Variants in SIPA1L2 observed in about 807,000 individuals in gnomAD.
The protein encoded by SIPA1L2 is signal induced proliferation associated 1 like 2.
In SIPA1L2, 56 loss-of-function variants were observed where a neutral mutation model predicts 163.9. The ratio of observed to expected loss-of-function variants is 0.34; its 90% confidence interval spans 0.28 to 0.43. SIPA1L2 has a LOEUF of 0.43. SIPA1L2 is among the 20% of genes least tolerant of loss of function. The probability of loss-of-function intolerance (pLI) is 1.00; values close to 1 mark genes in which losing one functional copy is unlikely to be tolerated. For missense variants in SIPA1L2, 1,974 were observed against 2,193.5 expected (o/e 0.90, Z 2.00); for synonymous variants, 877 against 865.7 (o/e 1.01, Z -0.23).
chr1:232,469,968 G>A (rs1206649904), intron 8 of SIPA1L2, among the ~76,000 whole-genome samples: 2 of 151,936 alleles, frequency 1.3e-5, no homozygotes, highest in Non-Finnish European at 2.9e-5. Flanking sequence ...AAGATAGCAA[G>A]TAATTTAAAG....
chr1:232,425,776 C>T lies in SIPA1L2; in HGVS notation c.4443G>A (p.Arg1481=). The T allele has an allele frequency of 6.2e-7, 1 of 1,613,998 alleles. No individual in the cohort carries two copies. Among genetic ancestry groups the T allele is most frequent in the Non-Finnish European group, 8.5e-7 (1 of 1,179,952 alleles). ...FSFYGNLSPR[R]SLYRTLSDES... The stretch of plus-strand genomic sequence containing the variant: ...CGTCAGACAGCGTGCGGTAAAGCGA[C>T]CTCCTTGGAGACAGGTTCCCATAGA... The change falls in exon 18 of 23, where the codon AGG becomes AGA. Residue 1481 remains arginine (R), a synonymous_variant. Transcript: ENST00000674635.
At chr1:232,617,076 T>C (rs1265110721) in intron 1 of SIPA1L2, among the ~76,000 whole-genome samples, 2 of 152,280 alleles carry the variant, frequency 1.3e-5, no homozygotes, top group African/African-American at 4.8e-5. Flanking sequence ...TGGAAATAAT[T>C]TGAATTAATT....
chr1:232,620,337 G>A (rs990093939), intron 1 of SIPA1L2, among the ~76,000 whole-genome samples: 1 of 152,152 alleles, frequency 6.6e-6, no homozygotes, highest in African/African-American at 2.4e-5. Flanking sequence ...TAGGTGTCTC[G>A]ATGTACACTT....
chr1:232,509,078 C>T (rs924694439), intron 3 of SIPA1L2, among the ~76,000 whole-genome samples: 2 of 152,184 alleles, frequency 1.3e-5, no homozygotes, highest in Non-Finnish European at 1.5e-5. Flanking sequence ...GGCAACAGAG[C>T]GAGACTCTGT....
chr1:232,490,189 C>T (rs923612404), intron 5 of SIPA1L2, among the ~76,000 whole-genome samples: 25 of 152,132 alleles, frequency 1.6e-4, no homozygotes, highest in Non-Finnish European at 2.1e-4. Flanking sequence ...CCCACCTCAC[C>T]ACCTCTCTTC....
chr1:232,501,817 C>T (rs576951459), intron 3 of SIPA1L2, among the ~76,000 whole-genome samples: 1 of 152,212 alleles, frequency 6.6e-6, no homozygotes, highest in South Asian at 2.1e-4. Context: ...GGCCTCTACC[C>T]TCTTCCCGTG....
At chr1:232,567,817 G>A (rs789647) in intron 2 of SIPA1L2, among the ~76,000 whole-genome samples, 10,411 of 152,226 alleles carry the variant, frequency 0.068, 987 homozygotes, top group African/African-American at 0.22. Flanking sequence ...AGGCCTAATC[G>A]GAGGGTTGGG....
At chr1:232,457,824 C>A (rs779145761) in intron 10 of SIPA1L2, among the ~76,000 whole-genome samples, 1 of 152,162 alleles carries the variant, frequency 6.6e-6, no homozygotes, top group Admixed American at 6.6e-5. Context: ...CTTACACTTG[C>A]GGTCTAAAGC....
rs139104555 is a variant in SIPA1L2 at position 232,435,238 on chromosome 1, C to T, written c.4032-2767G>A. 7.0e-4 allele frequency among the ~76,000 whole-genome samples: 107 copies of T among 152,274 alleles called. No individual in the cohort carries two copies. In the Middle Eastern group the frequency reaches 0.014, roughly 19 times the overall value. ...TTTGAAAATGTATAGGTAATGATAG[C>T]GTGATCACAAACTCTATGTATTTTT... On this transcript the variant is annotated intron_variant, in intron 15 of 22. Transcript: ENST00000674635.
Position 232,506,204 on chromosome 1 carries a change from GGT to G in SIPA1L2, c.1483+7651_1483+7652del, listed in dbSNP as rs1370649849. ...ATTGCCCTCTAAAGCCTGTAGCAGT[GGT>G]GTGAACAATAGTTTCTTTTTAGAGG... On this transcript the variant is annotated intron_variant, in intron 3 of 22. Transcript: ENST00000674635. Among the ~76,000 whole-genome samples the G allele has an allele frequency of 1.8e-4, 28 of 152,084 alleles. 1 individual carries two copies. The highest frequency in any genetic ancestry group is 6.5e-4 in the African/African-American group (27 of 41,404).
At chr1:232,456,579 A>G (rs930674789) in intron 10 of SIPA1L2, among the ~76,000 whole-genome samples, 24 of 152,234 alleles carry the variant, frequency 1.6e-4, no homozygotes, top group Admixed American at 1.3e-3. Context: ...CTCACATTAT[A>G]TAACAACTCA....
chr1:232,422,207 T>A (rs1194992629), intron 18 of SIPA1L2, among the ~76,000 whole-genome samples: 1 of 152,110 alleles, frequency 6.6e-6, no homozygotes, highest in African/African-American at 2.4e-5. Context: ...GTTTCAGAAA[T>A]ATTCTCAACT....
In SIPA1L2 at chr1:232,523,902, C is replaced by T. The variant is rs187536541; in HGVS notation, c.-269-8294G>A. Among the ~76,000 whole-genome samples the T allele has an allele frequency of 6.2e-3, 943 of 152,310 alleles. 13 individuals are homozygous for T. Among genetic ancestry groups the T allele is most frequent in the African/African-American group, 0.022 (907 of 41,574 alleles). ...CAAATCTGAAGATGCTTCCTTTCAA[C>T]TTGGCATAAAGGACATGAAAAGAAA... On this transcript the variant is annotated intron_variant, in intron 2 of 22. Coordinates refer to ENST00000674635, the MANE Select transcript of SIPA1L2 (RefSeq NM_020808.5).
intron 2 of SIPA1L2, among the ~76,000 whole-genome samples, chr1:232,566,251 T>C (rs1659397479): frequency 6.6e-6 from 1 of 152,248 alleles, no homozygotes; most frequent in South Asian, 2.1e-4. Context: ...CCTCAGAAAG[T>C]GCTTTCATTG....
At chr1:232,441,080 A>G (rs1027367357) in intron 14 of SIPA1L2, among the ~76,000 whole-genome samples, 25 of 152,264 alleles carry the variant, frequency 1.6e-4, no homozygotes, top group African/African-American at 6.0e-4. Context: ...GGCTGAGGAT[A>G]TAATTTTGGC....
rs930942219 is a variant in SIPA1L2, at chr1:232,540,031, C to T, written c.-269-24423G>A. On this transcript the variant is annotated intron_variant, in intron 2 of 22. Transcript: ENST00000674635. Reference sequence around the variant, plus strand: ...TAAAACTTCAAATAAAGGCCGGGCACGGTGGCTCACACCTGTAATCCCAGC... The same window carrying T: ...TAAAACTTCAAATAAAGGCCGGGCATGGTGGCTCACACCTGTAATCCCAGC... Among the ~76,000 whole-genome samples the T allele has an allele frequency of 4.6e-5, 7 of 152,248 alleles. No homozygotes were observed. In the South Asian group the frequency reaches 6.2e-4, roughly 14 times the overall value.
At chr1:232,542,299 C>T (rs541025164) in intron 2 of SIPA1L2, among the ~76,000 whole-genome samples, 9 of 152,316 alleles carry the variant, frequency 5.9e-5, no homozygotes, top group Non-Finnish European at 7.3e-5. Context: ...GGGGCACAAT[C>T]GCCTGCATCT....
chr1:232,409,866 A>T (rs1660850168), intron 19 of SIPA1L2, among the ~76,000 whole-genome samples: 1 of 152,184 alleles, frequency 6.6e-6, no homozygotes, highest in Non-Finnish European at 1.5e-5. Context: ...TTTAGCCATA[A>T]ATGTTGGGGG....
At chr1:232,538,232 C>G (rs1418066621) in intron 2 of SIPA1L2, among the ~76,000 whole-genome samples, 1 of 152,184 alleles carries the variant, frequency 6.6e-6, no homozygotes, top group Non-Finnish European at 1.5e-5. Flanking sequence ...CCTAGCTCAG[C>G]AGGCCATGGG....
Sources: gnomAD v4.1 joint callset for allele counts (sites outside exome capture counted in the v4.1 genomes callset) on GRCh38, gnomAD v4.1.1 for gene constraint, MANE v1.5 for transcripts, NCBI Gene and HGNC (gene_info 2026-07-23, HGNC 2026-07-21) for gene names.